Variants in UGGT1 observed in about 807,000 individuals in gnomAD.
The protein encoded by UGGT1 is UDP-glucose glycoprotein glucosyltransferase 1.
In UGGT1, 107 loss-of-function variants were observed where a neutral mutation model predicts 203.9. The ratio of observed to expected loss-of-function variants is 0.52; its 90% CI spans 0.45 to 0.62. The LOEUF (loss-of-function observed/expected upper bound fraction) is 0.62, where lower values mean the gene tolerates loss of function less well. Ranked by LOEUF, UGGT1 falls within the 20% of genes least tolerant of loss-of-function variation. UGGT1 has a pLI of 0.00. For missense variants in UGGT1, 1,673 were observed against 1,867.2 expected (o/e 0.90, Z 1.92); for synonymous variants, 628 against 653.5 (o/e 0.96, Z 0.59).
At chr2:128,091,664 G>A (rs1447620969) in intron 1 of UGGT1, 25 of 1,256,802 alleles carry the variant, frequency 2.0e-5, no homozygotes, top group Non-Finnish European at 2.5e-5. Flanking sequence ...AAGAGCTTTA[G>A]ATCCTTGTGC....
At chr2:128,132,021 A>G (rs1206379394) in intron 13 of UGGT1, among the ~76,000 whole-genome samples, 1 of 152,176 alleles carries the variant, frequency 6.6e-6, no homozygotes, top group Non-Finnish European at 1.5e-5. Flanking sequence ...CCAGCATTGC[A>G]TGAGAGTTCT....
chr2:128,159,192 C>T (rs1370365279), intron 22 of UGGT1, among the ~76,000 whole-genome samples: 6 of 150,072 alleles, frequency 4.0e-5, no homozygotes, highest in Admixed American at 2.7e-4. Flanking sequence ...CTCCACCTCC[C>T]GAGTTCAAGC....
intron 16 of UGGT1, among the ~76,000 whole-genome samples, chr2:128,142,408 AC>A (rs1302485541): frequency 1.3e-3 from 195 of 145,912 alleles, no homozygotes; most frequent in Non-Finnish European, 2.2e-3. Flanking sequence ...GTATGGTGAA[AC>A]CCCGTCTCTA....
intron 18 of UGGT1, among the ~76,000 whole-genome samples, chr2:128,147,019 G>A (rs1010253070): frequency 6.6e-6 from 1 of 152,140 alleles, no homozygotes; most frequent in Non-Finnish European, 1.5e-5. Context: ...CACCATGTGT[G>A]TCCTAAGGGG....
chr2:128,173,768 T>G lies in UGGT1; in HGVS notation c.3295-13T>G. ...CTCTGAGTGCATTCAAGTGATTGGA[T>G]TTTGGCTTGCAGGTGGACAGTGTAG... is the stretch of plus-strand genomic sequence containing the variant. On this transcript the variant is annotated splice_polypyrimidine_tract_variant and intron_variant, in intron 29 of 40. Transcript: ENST00000259253. 1 of 1,612,490 alleles carries G rather than the reference T, an allele frequency of 6.2e-7. No individual in the cohort carries two copies. Among genetic ancestry groups the G allele is most frequent in the Non-Finnish European group, 8.5e-7 (1 of 1,179,008 alleles).
At position 128,157,274 on chromosome 2, in the gene UGGT1, A is replaced by C. The variant is rs1258584782; in HGVS notation, c.2283A>C (p.Val761=). The change falls in exon 22 of 41, where the codon GTA becomes GTC. Residue 761 remains valine (V), a synonymous_variant. Transcript: ENST00000259253. ...CAGATGATTCTTTTATTAGGCCAGT[A>C]ACTTTTTGGATTGTTGGGGATTTTG... ...EIYDDSFIRP[V]TFWIVGDFDS... The C allele has an allele frequency of 6.2e-7, 1 of 1,614,084 alleles. No homozygotes were observed. The highest frequency in any genetic ancestry group is 2.2e-5 in the East Asian group (1 of 44,888).
chr2:128,105,158 C>G lies in UGGT1; in HGVS notation c.277+1144C>G, dbSNP rs913164012. 2.0e-5 allele frequency among the ~76,000 whole-genome samples: 3 copies of G among 151,336 alleles called. 1 individual carries two copies. Among genetic ancestry groups the G allele is most frequent in the South Asian group, 4.2e-4 (2 of 4,784 alleles). On this transcript the variant is annotated intron_variant, in intron 3 of 40. Transcript: ENST00000259253. The stretch of plus-strand genomic sequence containing the variant: ...TCGGCCTCCTAAAGTTCTGGGATTA[C>G]AGGCATGAACCACTGCACCTGGCCT...
intron 36 of UGGT1, 53 bp from the exon 37 acceptor site, chr2:128,182,077 G>A (rs567921401): frequency 5.1e-6 from 8 of 1,577,416 alleles, no homozygotes; most frequent in African/African-American, 2.7e-5. Flanking sequence ...GAAGGAAACC[G>A]CATTAGAGCT....
intron 19 of UGGT1, among the ~76,000 whole-genome samples, chr2:128,153,783 T>C (rs1001765583): frequency 5.9e-5 from 9 of 152,180 alleles, no homozygotes; most frequent in African/African-American, 2.2e-4. Context: ...GAGCCAAATA[T>C]GTTAAGCCCA....
chr2:128,185,905 G>A (rs1230445281), intron 38 of UGGT1, among the ~76,000 whole-genome samples: 1 of 152,016 alleles, frequency 6.6e-6, no homozygotes, highest in Non-Finnish European at 1.5e-5. Flanking sequence ...AAAGTCAGAA[G>A]GACTCCACAG....
rs1690426583 is a variant in UGGT1, at chr2:128,159,631, G to A, written c.2473G>A (p.Ala825Thr). 4 of 1,614,108 alleles carry A rather than the reference G, an allele frequency of 2.5e-6. No individual in the cohort carries two copies. Among genetic ancestry groups the A allele is most frequent in the South Asian group, 2.2e-5 (2 of 91,076 alleles). ...AGCTCTCCAAACTCAGACTTCCAAC[G>A]CTGCTAAGAACTTCATCACCAAAAT... is the stretch of plus-strand genomic sequence containing the variant. ...WAALQTQTSN[A>T]AKNFITKMAK... The change falls in exon 23 of 41, where the codon GCT (alanine) becomes ACT (threonine). Residue 825 changes from alanine (A) to threonine (T), a missense_variant. Transcript: ENST00000259253.
At position 128,189,824 on chromosome 2, in the gene UGGT1, A is replaced by C; in HGVS notation, c.*82A>C. On this transcript the variant is annotated 3_prime_UTR_variant, in exon 41 of 41. Coordinates refer to ENST00000259253, the MANE Select transcript of UGGT1 (RefSeq NM_020120.4). The stretch of plus-strand genomic sequence containing the variant: ...CTAGTTTTTTCTGATCTGTCTATAC[A>C]ACTGCTGATAAGCCGGCTGGGCAGG... 1 of 1,509,444 alleles carries C rather than the reference A, an allele frequency of 6.6e-7. No individual in the cohort carries two copies. Among genetic ancestry groups the C allele is most frequent in the Non-Finnish European group, 9.1e-7 (1 of 1,099,188 alleles). 93.5% of individuals were successfully genotyped at this position (1,509,444 alleles called of 1,614,324 possible). A position where few individuals can be genotyped will look rare whatever the true frequency, so the allele number is the denominator to read the frequency against.
rs568047947 is a variant in UGGT1 at position 128,134,831 on chromosome 2, T to C, written c.1498-45T>C. On this transcript the variant is annotated intron_variant, in intron 14 of 40. Transcript: ENST00000259253. ...AACATTTTTCTCGGCCCACAGATACTTGAATAAATGTCATTTCATGTGTTC... is the reference window on the plus strand; with the variant it reads ...AACATTTTTCTCGGCCCACAGATACCTGAATAAATGTCATTTCATGTGTTC... 3.8e-4 allele frequency: 598 copies of C among 1,569,118 alleles called. 6 individuals carry two copies. The South Asian group carries it at 6.4e-3, about 17-fold the overall frequency.
At chr2:128,141,479 C>T (rs1689421314) in intron 16 of UGGT1, among the ~76,000 whole-genome samples, 1 of 149,756 alleles carries the variant, frequency 6.7e-6, no homozygotes, top group Non-Finnish European at 1.5e-5. Context: ...GTGGCAGGCG[C>T]CTGTGGTCCC....
chr2:128,151,305 C>T (rs1428554331), intron 18 of UGGT1: 1 of 576,596 alleles, frequency 1.7e-6, no homozygotes, highest in African/African-American at 1.8e-5. Context: ...GCTGTTTCAG[C>T]AGCACCTTCA....
chr2:128,112,488 CTCAAGTTTTAGTAG>C (rs1687917545), intron 5 of UGGT1, among the ~76,000 whole-genome samples: 1 of 58,730 alleles, frequency 1.7e-5, no homozygotes. Flanking sequence ...TACATACATA[CTCAAGTTTTAGTAG>C]TCATTTGAAT....
chr2:128,138,890 A>T (rs1442666537), intron 16 of UGGT1, 38 bp downstream of exon 16: 2 of 1,611,946 alleles, frequency 1.2e-6, no homozygotes, highest in Admixed American at 1.7e-5. Context: ...ATTTTTTCAG[A>T]TCTAACTTAC....
Position 128,160,456 on chromosome 2 carries a change from C to T in UGGT1, c.2563-4C>T, listed in dbSNP as rs776095588. On this transcript the variant is annotated splice_polypyrimidine_tract_variant and splice_region_variant and intron_variant, in intron 23 of 40. Transcript: ENST00000259253. ...TTTTTCCTTAATAATGATTACTTTC[C>T]TAGGGAATGGATTTCAGTCTTTTTA... 4 of 1,591,334 alleles carry T rather than the reference C, an allele frequency of 2.5e-6. No homozygotes were observed. Among genetic ancestry groups the T allele is most frequent in the Admixed American group, 3.7e-5 (2 of 53,922 alleles).
In UGGT1 at chr2:128,180,215, G is replaced by A. The variant is rs186561442; in HGVS notation, c.3900+345G>A. Among the ~76,000 whole-genome samples, 158 of 152,280 alleles carry A rather than the reference G, an allele frequency of 1.0e-3. 1 individual carries two copies. Among genetic ancestry groups the A allele is most frequent in the East Asian group, 9.6e-4 (5 of 5,184 alleles). On this transcript the variant is annotated intron_variant, in intron 35 of 40. Coordinates refer to ENST00000259253, the MANE Select transcript of UGGT1 (RefSeq NM_020120.4). ...ACATTGAAGAGAATGATTGGTGTTA[G>A]CATGAACCACTCCTAGATGATGTAT... is the stretch of plus-strand genomic sequence containing the variant.
Sources: gnomAD v4.1 joint callset for allele counts (sites outside exome capture counted in the v4.1 genomes callset) on GRCh38, gnomAD v4.1.1 for gene constraint, MANE v1.5 for transcripts, NCBI Gene and HGNC (gene_info 2026-07-23, HGNC 2026-07-21) for gene names.